The following LDLRAD4 variants were observed in gnomAD, a reference collection of about 807,000 sequenced individuals.
The protein encoded by LDLRAD4 is low-density lipoprotein receptor class A domain-containing protein 4.
Under a neutral mutation model 17.0 loss-of-function variants are expected in LDLRAD4, and 5 were observed. The ratio of observed to expected loss-of-function variants is 0.29; its 90% CI spans 0.15 to 0.62. The LOEUF (loss-of-function observed/expected upper bound fraction) is 0.62. Among genes scored for constraint, LDLRAD4 ranks in the 20% least tolerant of loss-of-function variants. The probability of loss-of-function intolerance (pLI) is 0.84; values close to 1 mark genes in which losing one functional copy is unlikely to be tolerated. For synonymous variants in LDLRAD4, 168 were observed against 171.8 expected, an observed-to-expected ratio of 0.98 and a Z score of 0.17; for missense variants, 340 against 424.7, an observed-to-expected ratio of 0.80 and a Z score of 1.75.
At chr18:13,254,243 C>T (rs2043383170) in intron 1 of LDLRAD4, among the ~76,000 whole-genome samples, 1 of 152,204 alleles carries the variant, frequency 6.6e-6, no homozygotes, top group Non-Finnish European at 1.5e-5. Flanking sequence ...AGGCAGGGAG[C>T]TTTTCGGGTC....
chr18:13,498,403 A>T (rs1600847409), intron 3 of LDLRAD4, among the ~76,000 whole-genome samples: 1 of 118,772 alleles, frequency 8.4e-6, no homozygotes, highest in African/African-American at 3.4e-5. Context: ...ATACGTCCCC[A>T]GCCATAGACA....
At chr18:13,473,479 A>G (rs2092833115) in intron 3 of LDLRAD4, among the ~76,000 whole-genome samples, 1 of 151,602 alleles carries the variant, frequency 6.6e-6, no homozygotes. Context: ...AGTCTCTACA[A>G]AAAGTAAAAA....
At chr18:13,565,555 C>T (rs995597579) in intron 3 of LDLRAD4, among the ~76,000 whole-genome samples, 1 of 152,258 alleles carries the variant, frequency 6.6e-6, no homozygotes, top group African/African-American at 2.4e-5. Context: ...CTGGACCGTC[C>T]TGGCGCTTGT....
intron 3 of LDLRAD4, among the ~76,000 whole-genome samples, chr18:13,607,613 A>T (rs2095237298): frequency 6.6e-6 from 1 of 151,264 alleles, no homozygotes; most frequent in African/African-American, 2.4e-5. Context: ...AGCCCCCAAC[A>T]GGCCCCACTG....
chr18:13,339,347 A>G (rs563715676), intron 1 of LDLRAD4, among the ~76,000 whole-genome samples: 1 of 152,028 alleles, frequency 6.6e-6, no homozygotes, highest in South Asian at 2.1e-4. Context: ...AGTAGCTGGG[A>G]CTACAGGCAT....
intron 3 of LDLRAD4, among the ~76,000 whole-genome samples, chr18:13,577,775 G>A (rs751637930): frequency 4.6e-5 from 7 of 152,154 alleles, no homozygotes; most frequent in Non-Finnish European, 1.0e-4. Flanking sequence ...GTTTGGCCAT[G>A]TGAGGCGTAC....
chr18:13,413,754 A>G (rs1390110761), intron 2 of LDLRAD4, among the ~76,000 whole-genome samples: 1 of 152,146 alleles, frequency 6.6e-6, no homozygotes, highest in Admixed American at 6.6e-5. Flanking sequence ...AAGAAGTTTT[A>G]TATCTTCTTT....
intron 3 of LDLRAD4, among the ~76,000 whole-genome samples, chr18:13,474,578 C>T (rs1363524823): frequency 6.6e-6 from 1 of 152,218 alleles, no homozygotes; most frequent in East Asian, 1.9e-4. Flanking sequence ...TTGCTCCCTT[C>T]CTCCTGGACC....
chr18:13,282,534 A>T (rs1567964902), intron 1 of LDLRAD4, among the ~76,000 whole-genome samples: 1 of 152,228 alleles, frequency 6.6e-6, no homozygotes, highest in Non-Finnish European at 1.5e-5. Flanking sequence ...GTCAGATTTT[A>T]AAGCTTCAAA....
chr18:13,401,020 G>A (rs1325089204), intron 2 of LDLRAD4, among the ~76,000 whole-genome samples: 1 of 152,054 alleles, frequency 6.6e-6, no homozygotes, highest in Non-Finnish European at 1.5e-5. Flanking sequence ...AATCAAGTAT[G>A]GGAAGGAGAT....
chr18:13,644,845 G>C, intron 5 of LDLRAD4: 1 of 425,322 alleles, frequency 2.4e-6, no homozygotes, highest in South Asian at 3.9e-5. Context: ...AGCACGCACA[G>C]AAACTCCCAG....
At position 13,238,744 on chromosome 18, in the gene LDLRAD4, C is replaced by T. The variant is rs147407575; in HGVS notation, c.-467+19756C>T. 3.6e-3 allele frequency among the ~76,000 whole-genome samples: 549 copies of T among 152,256 alleles called. 6 individuals are homozygous for T. Among genetic ancestry groups the T allele is most frequent in the African/African-American group, 0.011 (469 of 41,548 alleles). On this transcript the variant is annotated intron_variant, in intron 1 of 5. Transcript: ENST00000399848. ...GGGCCTACACATAGGCAGCCTCTCC[C>T]GGGTGGTGACTACGCCTGTGTTTCT...
chr18:13,358,082 A>T (rs971812205), intron 1 of LDLRAD4, among the ~76,000 whole-genome samples: 1 of 151,764 alleles, frequency 6.6e-6, no homozygotes, highest in African/African-American at 2.4e-5. Context: ...CCCAATCCAC[A>T]CTCATCTTGT....
intron 1 of LDLRAD4, among the ~76,000 whole-genome samples, chr18:13,266,171 C>G (rs1460532875): frequency 6.6e-6 from 1 of 152,170 alleles, no homozygotes; most frequent in African/African-American, 2.4e-5. Context: ...TAGCACTCGC[C>G]CAGACCTTAA....
rs12956452 is a variant in LDLRAD4 at position 13,387,814 on chromosome 18, T to G, written c.40+52T>G. 109,132 of 1,516,214 alleles carry G rather than the reference T, an allele frequency of 0.072. 7,232 individuals carry two copies. Among genetic ancestry groups the G allele is most frequent in the African/African-American group, 0.3 (22,186 of 73,400 alleles). The allele number at this position is 1,516,214 out of a possible 1,614,324, so 93.9% of individuals were successfully genotyped here. ...CTTTGCCTCCACTCCTGGGAGGCAA[T>G]AAACTCCCAAACCACTGCATGCAGT... On this transcript the variant is annotated intron_variant, in intron 2 of 5. Transcript: ENST00000359446.
chr18:13,591,352 A>G (rs2095025177), intron 3 of LDLRAD4, among the ~76,000 whole-genome samples: 1 of 151,910 alleles, frequency 6.6e-6, no homozygotes, highest in Non-Finnish European at 1.5e-5. Context: ...TCTACATTTG[A>G]TTTTTCTTTC....
rs1370328387 is a variant in LDLRAD4, at chr18:13,398,957, G to T, written c.40+11195G>T. Among the ~76,000 whole-genome samples, 4 of 152,174 alleles carry T rather than the reference G, an allele frequency of 2.6e-5. No homozygotes were observed. Among genetic ancestry groups the T allele is most frequent in the Non-Finnish European group, 4.4e-5 (3 of 68,038 alleles). ...TCTTCATCTTTGTAATGATGATCGG[G>T]GCTGGGAGCAGTGGCTCACACCTAT... On this transcript the variant is annotated intron_variant, in intron 2 of 5. Coordinates refer to ENST00000359446, the Ensembl canonical transcript of LDLRAD4. The surrounding 1 kb of genome is among the most constrained non-coding windows in gnomAD (Gnocchi z 4.8).
intron 3 of LDLRAD4, among the ~76,000 whole-genome samples, chr18:13,503,633 G>A (rs904437000): frequency 1.4e-4 from 21 of 152,286 alleles, no homozygotes; most frequent in African/African-American, 4.8e-4. Flanking sequence ...TCACAGGGGC[G>A]GGATGTGCCA....
intron 3 of LDLRAD4, among the ~76,000 whole-genome samples, chr18:13,603,174 C>T (rs1601650497): frequency 1.3e-5 from 2 of 152,116 alleles, no homozygotes; most frequent in African/African-American, 4.8e-5. Context: ...ATTTCCAGAA[C>T]ACAGGTTTAC....
Sources: allele counts gnomAD v4.1 joint callset (sites outside exome capture counted in the v4.1 genomes callset), GRCh38; gene constraint gnomAD v4.1.1; non-coding constraint Gnocchi (gnomAD v3.1); transcripts MANE v1.5; gene names NCBI Gene and HGNC (gene_info 2026-07-23, HGNC 2026-07-21).